The following MAGI3 variants were observed in gnomAD, a reference collection of about 807,000 sequenced individuals.
The protein encoded by MAGI3 is membrane associated guanylate kinase, WW and PDZ domain containing 3.
MAGI3 carries 43 observed loss-of-function variants against 121.8 expected under a neutral mutation model. The observed-to-expected ratio is 0.35, with a 90% confidence interval of 0.28 to 0.46. The LOEUF (loss-of-function observed/expected upper bound fraction) is 0.46, where lower values mean the gene tolerates loss of function less well. Among genes scored for constraint, MAGI3 ranks in the 20% least tolerant of loss-of-function variants. The pLI, the probability that MAGI3 is intolerant of heterozygous loss-of-function variation, is 1.00. For missense variants in MAGI3, 1,547 were observed against 1,797.3 expected (o/e 0.86, Z 2.52); for synonymous variants, 553 against 639.3 (o/e 0.86, Z 2.04).
In MAGI3 at chr1:113,650,998, T is replaced by C; in HGVS notation, c.2248-16T>C. ...CTTTACACTGTGGACCAAACTGTAC[T>C]TTGTTATCTTATCAGATATATATTG... On this transcript the variant is annotated splice_polypyrimidine_tract_variant and intron_variant, in intron 13 of 20. Transcript: ENST00000307546. The C allele has an allele frequency of 6.2e-7, 1 of 1,609,534 alleles. No homozygotes were observed.
intron 16 of MAGI3, among the ~76,000 whole-genome samples, chr1:113,660,701 A>G (rs1042102488): frequency 2.7e-5 from 4 of 148,980 alleles, no homozygotes; most frequent in African/African-American, 1.0e-4. Context: ...TGCAGTCTCA[A>G]CCTCCCGGGC....
At chr1:113,522,103 G>A (rs78939984) in intron 1 of MAGI3, among the ~76,000 whole-genome samples, 3,522 of 150,270 alleles carry the variant, frequency 0.023, 133 homozygotes, top group African/African-American at 0.081. Context: ...TTGGTCTGTC[G>A]TATATTTATT....
intron 1 of MAGI3, among the ~76,000 whole-genome samples, chr1:113,406,319 G>A (rs1235206454): frequency 6.7e-6 from 1 of 149,170 alleles, no homozygotes; most frequent in Non-Finnish European, 1.5e-5. Context: ...GTGGTGGCAC[G>A]TGCCTGTAGT....
chr1:113,403,770 C>G (rs757890989), intron 1 of MAGI3: 9 of 152,116 alleles, frequency 5.9e-5, no homozygotes, highest in Admixed American at 1.3e-4. Flanking sequence ...TATCTTGTGT[C>G]CTGCATCTTA....
intron 1 of MAGI3, among the ~76,000 whole-genome samples, chr1:113,437,858 TTCTTCC>T (rs1434224540): frequency 0.032 from 1,799 of 56,852 alleles, 95 homozygotes; most frequent in African/African-American, 0.042. Flanking sequence ...CTTCTTCTTC[TTCTTCC>T]TCTTCTTCTT....
At chr1:113,616,492 T>C (rs948167071) in intron 7 of MAGI3, among the ~76,000 whole-genome samples, 15 of 152,230 alleles carry the variant, frequency 9.9e-5, no homozygotes, top group African/African-American at 3.6e-4. Context: ...TCAAACCAGA[T>C]GGCACGATGA....
At chr1:113,523,404 T>C (rs1658297156) in intron 1 of MAGI3, among the ~76,000 whole-genome samples, 1 of 152,172 alleles carries the variant, frequency 6.6e-6, no homozygotes, top group Non-Finnish European at 1.5e-5. Flanking sequence ...CTGGGAAAGT[T>C]TGGGACTCCC....
chr1:113,613,535 G>C (rs933874075), intron 6 of MAGI3, among the ~76,000 whole-genome samples: 2 of 152,140 alleles, frequency 1.3e-5, no homozygotes, highest in Non-Finnish European at 2.9e-5. Flanking sequence ...CATAACTGAG[G>C]CTAAATGATA....
intron 15 of MAGI3, among the ~76,000 whole-genome samples, chr1:113,656,147 G>A (rs1653459039): frequency 1.3e-5 from 2 of 152,168 alleles, no homozygotes. Flanking sequence ...GAGATTTTCA[G>A]TCATGGTGTA....
At chr1:113,575,124 G>A (rs1484563486) in intron 2 of MAGI3, among the ~76,000 whole-genome samples, 2 of 152,030 alleles carry the variant, frequency 1.3e-5, no homozygotes, top group African/African-American at 4.8e-5. Flanking sequence ...CCTTGCATTG[G>A]GTTAGAAGAT....
In MAGI3 at chr1:113,668,569, C is replaced by CTTTT. The variant is rs370302032; in HGVS notation, c.2816-3144_2816-3141dup. Reference sequence around the variant, plus strand: ...CAACAAAACAACAAAAAACATGTAACTTTTTTTTTTTTTTTTTTTTTTTTG... The same window carrying CTTTT: ...CAACAAAACAACAAAAAACATGTAACTTTTTTTTTTTTTTTTTTTTTTTTTTTTG... On this transcript the variant is annotated intron_variant, in intron 16 of 20. Transcript: ENST00000307546. Among the ~76,000 whole-genome samples the CTTTT allele has an allele frequency of 3.2e-3, 301 of 94,848 alleles. 2 individuals are homozygous for CTTTT. Among genetic ancestry groups the CTTTT allele is most frequent in the Middle Eastern group, 7.7e-3 (1 of 130 alleles). The allele number at this position is 94,848 out of a possible 152,430, so 62.2% of individuals were successfully genotyped here. A position where few individuals can be genotyped will look rare whatever the true frequency, so the allele number is the denominator to read the frequency against.
chr1:113,640,101 A>G (rs1487856558), intron 9 of MAGI3, among the ~76,000 whole-genome samples: 1 of 152,232 alleles, frequency 6.6e-6, no homozygotes, highest in African/African-American at 2.4e-5. Flanking sequence ...AAAAAAGACA[A>G]TTATGTGGCT....
At position 113,658,153 on chromosome 1, in the gene MAGI3, A is replaced by C. The variant is rs1183027012; in HGVS notation, c.2630-927A>C. On this transcript the variant is annotated intron_variant, in intron 15 of 20. Transcript: ENST00000307546. This position sits in a 1 kb window ranked among gnomAD's most constrained non-coding sequence, Gnocchi z 4.0. ...TAAAGTTTACTGACCTAGGCTAGGA[A>C]ATTCTCAGAGAACATAGAAGGAACA... is the stretch of plus-strand genomic sequence containing the variant. Among the ~76,000 whole-genome samples the C allele has an allele frequency of 6.6e-6, 1 of 152,238 alleles. No homozygotes were observed. The highest frequency in any genetic ancestry group is 2.4e-5 in the African/African-American group (1 of 41,468).
At chr1:113,586,567 A>G (rs1202108292) in intron 4 of MAGI3, among the ~76,000 whole-genome samples, 1 of 152,212 alleles carries the variant, frequency 6.6e-6, no homozygotes, top group Non-Finnish European at 1.5e-5. Flanking sequence ...ATGTATTTAA[A>G]TGTAAATACT....
intron 19 of MAGI3, among the ~76,000 whole-genome samples, chr1:113,675,083 G>A (rs7522138): frequency 0.51 from 77,898 of 151,732 alleles, 21,374 homozygotes; most frequent in African/African-American, 0.72. Context: ...CCGATGGGTC[G>A]CAGGCATAAA....
intron 2 of MAGI3, among the ~76,000 whole-genome samples, chr1:113,579,911 G>T (rs921370425): frequency 6.6e-6 from 1 of 151,726 alleles, no homozygotes; most frequent in Admixed American, 6.6e-5. Context: ...GTATCTCTTT[G>T]TATTATCTAG....
At chr1:113,624,183 T>G (rs969458657) in intron 9 of MAGI3, among the ~76,000 whole-genome samples, 17 of 152,230 alleles carry the variant, frequency 1.1e-4, no homozygotes, top group South Asian at 6.2e-4. Context: ...TGCAGATATC[T>G]CTTCAATATA....
chr1:113,546,418 C>G (rs1010559896), intron 1 of MAGI3, among the ~76,000 whole-genome samples: 1 of 152,182 alleles, frequency 6.6e-6, no homozygotes, highest in Non-Finnish European at 1.5e-5. Flanking sequence ...CTCACTGCGA[C>G]CTCTGCCTCC....
intron 1 of MAGI3, among the ~76,000 whole-genome samples, chr1:113,395,136 T>G (rs892361261): frequency 1.4e-5 from 2 of 143,030 alleles, no homozygotes; most frequent in African/African-American, 2.6e-5. Context: ...TTTAGGATTT[T>G]TGATGAGTTT....
Sources: gnomAD v4.1 joint callset for allele counts (sites outside exome capture counted in the v4.1 genomes callset) on GRCh38, gnomAD v4.1.1 for gene constraint, Gnocchi (gnomAD v3.1) non-coding constraint, MANE v1.5 for transcripts, NCBI Gene and HGNC (gene_info 2026-07-23, HGNC 2026-07-21) for gene names.